Variants in PNPT1 observed in about 807,000 individuals in gnomAD.
The protein encoded by PNPT1 is polyribonucleotide nucleotidyltransferase 1, mitochondrial.
Under a neutral mutation model 119.5 loss-of-function variants are expected in PNPT1, and 53 were observed. The ratio of observed to expected loss-of-function variants is 0.44; its 90% confidence interval spans 0.36 to 0.56. The LOEUF is 0.56. Ranked by LOEUF, PNPT1 falls within the 20% of genes least tolerant of loss-of-function variation. The pLI, the probability that PNPT1 is intolerant of heterozygous loss-of-function variation, is 0.00. For missense variants in PNPT1, 948 were observed against 938.5 expected, an observed-to-expected ratio of 1.01 and a Z score of -0.13; for synonymous variants, 357 against 322.1, an observed-to-expected ratio of 1.11 and a Z score of -1.16.
Position 55,646,478 on chromosome 2 carries a change from T to C in PNPT1, c.1611A>G (p.Glu537=). The change falls in exon 20 of 28, where the codon GAA becomes GAG. Residue 537 remains glutamate (E), a synonymous_variant. Coordinates refer to ENST00000447944, the MANE Select transcript of PNPT1 (RefSeq NM_033109.5). ...YRLLTDILGI[E]DYNGDMDFKI... is the part of the protein sequence containing the mutation. Reference sequence around the variant, plus strand: ...TGAAGTCCATGTCACCATTGTAATCTTCAATTCCCTTCAGGAATTTAAAAA... The same window carrying C: ...TGAAGTCCATGTCACCATTGTAATCCTCAATTCCCTTCAGGAATTTAAAAA... The C allele has an allele frequency of 1.2e-6, 2 of 1,607,690 alleles. No homozygotes were observed. Among genetic ancestry groups the C allele is most frequent in the Non-Finnish European group, 1.7e-6 (2 of 1,177,890 alleles).
intron 18 of PNPT1, among the ~76,000 whole-genome samples, chr2:55,650,777 G>A (rs1253614802): frequency 2.7e-5 from 4 of 150,282 alleles, no homozygotes; most frequent in African/African-American, 9.8e-5. Flanking sequence ...GAAGTGAGGA[G>A]CCCCTCCGCC....
intron 2 of PNPT1, among the ~76,000 whole-genome samples, 195 bp from the exon 3 acceptor site, chr2:55,686,639 T>TA (rs1697413569): frequency 6.6e-6 from 1 of 152,216 alleles, no homozygotes; most frequent in Admixed American, 6.5e-5. Flanking sequence ...GGAATCAAAA[T>TA]AAGGAAAGAT....
chr2:55,662,879 G>T (rs1007386857), intron 13 of PNPT1, among the ~76,000 whole-genome samples: 9 of 131,918 alleles, frequency 6.8e-5, no homozygotes, highest in South Asian at 2.9e-4. Context: ...GCAGACAAAA[G>T]ATTTTTTTTT....
intron 26 of PNPT1, 63 bp from the exon 27 acceptor site, chr2:55,637,662 CA>C: frequency 7.5e-7 from 1 of 1,339,528 alleles, no homozygotes; most frequent in Non-Finnish European, 1.1e-6. Context: ...CATGGAAGTA[CA>C]CATTTTTTCC....
intron 7 of PNPT1, 143 bp downstream of exon 7, chr2:55,680,569 G>T: frequency 1.3e-6 from 1 of 752,076 alleles, no homozygotes; most frequent in South Asian, 1.9e-5. Context: ...TGAAAGACCT[G>T]AAAGGAGACT....
At chr2:55,669,262 T>TAA (rs1696832832) in intron 11 of PNPT1, among the ~76,000 whole-genome samples, 1 of 152,226 alleles carries the variant, frequency 6.6e-6, no homozygotes. Context: ...GTGACCTGAA[T>TAA]AAAGATCTGT....
At chr2:55,640,278 C>T (rs543389548) in intron 26 of PNPT1, among the ~76,000 whole-genome samples, 4 of 152,186 alleles carry the variant, frequency 2.6e-5, no homozygotes, top group South Asian at 2.1e-4. Context: ...CTCAGCCTCC[C>T]GAGTAGCTAA....
chr2:55,663,485 T>A (rs936200101), intron 13 of PNPT1, among the ~76,000 whole-genome samples: 1 of 152,154 alleles, frequency 6.6e-6, no homozygotes, highest in Non-Finnish European at 1.5e-5. Context: ...ATTCTCAAGT[T>A]TGGTGAAAGA....
At chr2:55,652,887 A>G (rs1170272092) in intron 18 of PNPT1, among the ~76,000 whole-genome samples, 2 of 152,110 alleles carry the variant, frequency 1.3e-5, no homozygotes, top group African/African-American at 4.8e-5. Context: ...TCACTCTGTT[A>G]CCCAGGCTGG....
intron 13 of PNPT1, among the ~76,000 whole-genome samples, chr2:55,663,955 C>T (rs919592014): frequency 1.7e-4 from 26 of 152,202 alleles, no homozygotes; most frequent in African/African-American, 6.3e-4. Flanking sequence ...CACCACTGCA[C>T]TCCAGCCTGG....
At chr2:55,666,099 A>G (rs1696721794) in intron 13 of PNPT1, among the ~76,000 whole-genome samples, 1 of 152,224 alleles carries the variant, frequency 6.6e-6, no homozygotes, top group Non-Finnish European at 1.5e-5. Flanking sequence ...ATTAAAAGAA[A>G]GATACAACAG....
At position 55,667,076 on chromosome 2, in the gene PNPT1, A is replaced by G. The variant is rs1696755679; in HGVS notation, c.1091T>C (p.Leu364Ser). ...ACAACTTACATTCCTAAGTGAAGTC[A>G]AATCCCGACCATCGCACCTATAGTG... ...NEYKRCDGRD[L>S]TSLRNVSCEV... Residue 364 changes from leucine to serine, a missense_variant, in exon 13 of 28, where the codon TTG (leucine) becomes TCG (serine). Physicochemically the swap from Leu to Ser is moderately radical, Grantham distance 145. Coordinates refer to ENST00000447944, the MANE Select transcript of PNPT1 (RefSeq NM_033109.5). 12 of 1,612,258 alleles carry G rather than the reference A, an allele frequency of 7.4e-6. No homozygotes were observed. The highest frequency in any genetic ancestry group is 1.3e-5 in the African/African-American group (1 of 74,810).
intron 1 of PNPT1, among the ~76,000 whole-genome samples, chr2:55,690,522 T>C (rs1216278074): frequency 6.6e-6 from 1 of 152,234 alleles, no homozygotes; most frequent in Non-Finnish European, 1.5e-5. Flanking sequence ...CAACCCTTAA[T>C]ATTTTCACCT....
At chr2:55,684,523 G>A (rs1312654072) in intron 4 of PNPT1, among the ~76,000 whole-genome samples, 1 of 152,198 alleles carries the variant, frequency 6.6e-6, no homozygotes, top group Non-Finnish European at 1.5e-5. Context: ...ACAATATGTA[G>A]GGATGTTAAA....
intron 15 of PNPT1, among the ~76,000 whole-genome samples, chr2:55,659,190 A>G (rs1696485725): frequency 6.6e-6 from 1 of 152,108 alleles, no homozygotes; most frequent in Non-Finnish European, 1.5e-5. Context: ...TTCTGGGCTC[A>G]GCAATCCTCC....
Position 55,686,416 on chromosome 2 carries a change from G to C in PNPT1, c.251C>G (p.Ala84Gly). Residue 84 changes from alanine (A) to glycine (G), a missense_variant, in exon 3 of 28, where the codon GCG (alanine) becomes GGG (glycine). By Grantham distance (60) the Ala-to-Gly change is moderately conservative. Coordinates refer to ENST00000447944, the MANE Select transcript of PNPT1 (RefSeq NM_033109.5). ...QSGDTAVMVTAVSKTKPSPSQ... is the reference protein window; with the variant it reads ...QSGDTAVMVTGVSKTKPSPSQ... ...AGGGGAAGGTTTTGTTTTACTGACC[G>C]CTGTGACCATTACTGCAGTGTCACC... is the stretch of plus-strand genomic sequence containing the variant. 1 of 1,613,808 alleles carries C rather than the reference G, an allele frequency of 6.2e-7. No homozygotes were observed. Among genetic ancestry groups the C allele is most frequent in the Non-Finnish European group, 8.5e-7 (1 of 1,179,822 alleles).
chr2:55,660,926 C>G (rs1332369213), intron 14 of PNPT1, among the ~76,000 whole-genome samples: 1 of 152,052 alleles, frequency 6.6e-6, no homozygotes, highest in African/African-American at 2.4e-5. Context: ...TAGGAATTAT[C>G]CTCATCAGTT....
chr2:55,654,838 G>T, intron 18 of PNPT1, 62 bp downstream of exon 18: 1 of 1,337,710 alleles, frequency 7.5e-7, no homozygotes, highest in South Asian at 1.3e-5. Flanking sequence ...GGCCTCCCAA[G>T]GCTCATGCCT....
Position 55,691,848 on chromosome 2 carries a change from TTATATATATA to T in PNPT1, c.161+1805_161+1814del, listed in dbSNP as rs869195974. Among the ~76,000 whole-genome samples, 686 of 86,854 alleles carry T rather than the reference TTATATATATA, an allele frequency of 7.9e-3. 8 individuals are homozygous for T. The highest frequency in any genetic ancestry group is 0.021 in the East Asian group (51 of 2,378). The allele number at this position is 86,854 out of a possible 152,430, so 57.0% of individuals were successfully genotyped here. A position where few individuals can be genotyped will look rare whatever the true frequency, so the allele number is the denominator to read the frequency against. On this transcript the variant is annotated intron_variant, in intron 1 of 27. Transcript: ENST00000447944. ...TATATTACTCTTCAATTAAAAATGT[TTATATATATA>T]TATATATATATATATATATATTTTT...
Sources: gnomAD v4.1 joint callset for allele counts (sites outside exome capture counted in the v4.1 genomes callset) on GRCh38, gnomAD v4.1.1 for gene constraint, MANE v1.5 for transcripts, NCBI Gene and HGNC (gene_info 2026-07-23, HGNC 2026-07-21) for gene names.